RELL1: variants seen among roughly 807,000 people sequenced by gnomAD.
RELL1 encodes RELT like 1.
In RELL1, 10 loss-of-function variants were observed where a neutral mutation model predicts 23.0. The observed-to-expected ratio is 0.43, with a 90% CI of 0.27 to 0.74. RELL1 has a LOEUF of 0.74. Ranked by LOEUF, RELL1 falls within the 30% of genes least tolerant of loss-of-function variation. The probability of loss-of-function intolerance (pLI) is 0.19; values close to 1 mark genes in which losing one functional copy is unlikely to be tolerated. For synonymous variants in RELL1, 146 were observed against 146.8 expected (o/e 0.99, Z 0.04); for missense variants, 315 against 364.4 (o/e 0.86, Z 1.10).
intron 3 of RELL1, among the ~76,000 whole-genome samples, chr4:37,640,268 T>C (rs934403781): frequency 2.0e-5 from 3 of 152,226 alleles, no homozygotes; most frequent in South Asian, 2.1e-4. Flanking sequence ...CAAATTTTGA[T>C]CTAAATAAGA....
At chr4:37,675,447 T>C (rs915049311) in intron 1 of RELL1, among the ~76,000 whole-genome samples, 5 of 152,278 alleles carry the variant, frequency 3.3e-5, no homozygotes, top group South Asian at 2.1e-4. Flanking sequence ...GAACAGAGAA[T>C]AACATGCAAC....
intron 5 of RELL1, 44 bp from the exon 6 acceptor site, chr4:37,631,567 T>C (rs1720134366): frequency 6.3e-7 from 1 of 1,598,026 alleles, no homozygotes. Context: ...GCTTTTCTAA[T>C]AAACAAGAAT....
At chr4:37,629,143 C>G (rs564144595) in intron 6 of RELL1, among the ~76,000 whole-genome samples, 9 of 152,166 alleles carry the variant, frequency 5.9e-5, no homozygotes, top group African/African-American at 1.9e-4. Context: ...CTGGTGCAAT[C>G]GGCTCCATCT....
At chr4:37,647,627 G>C (rs1190510549) in intron 2 of RELL1, among the ~76,000 whole-genome samples, 188 bp from the exon 3 acceptor site, 1 of 152,192 alleles carries the variant, frequency 6.6e-6, no homozygotes, top group African/African-American at 2.4e-5. Context: ...TAAAGAGAAA[G>C]TATCAAAGCT....
intron 1 of RELL1, among the ~76,000 whole-genome samples, chr4:37,669,117 G>C (rs370899430): frequency 4.4e-5 from 5 of 113,342 alleles, no homozygotes; most frequent in Non-Finnish European, 5.3e-5. Flanking sequence ...GCCTCTGCCC[G>C]GCCGCCCCTA....
chr4:37,644,099 T>G (rs1720614716), intron 3 of RELL1, among the ~76,000 whole-genome samples: 1 of 152,082 alleles, frequency 6.6e-6, no homozygotes, highest in African/African-American at 2.4e-5. Flanking sequence ...CCTCCGGTAT[T>G]GACTGCTCAG....
chr4:37,631,378 G>T lies in RELL1; in HGVS notation c.*3+7C>A, dbSNP rs756650929. On this transcript the variant is annotated splice_region_variant and intron_variant, in intron 6 of 6. Transcript: ENST00000454158. The stretch of plus-strand genomic sequence containing the variant: ...CTGCCCCCAATGTCACCAAAACCAC[G>T]GCTCACCTGCTACTCTGTGCCACTG... The T allele has an allele frequency of 1.2e-6, 2 of 1,610,728 alleles. No homozygotes were observed. Among genetic ancestry groups the T allele is most frequent in the East Asian group, 2.2e-5 (1 of 44,696 alleles).
At chr4:37,626,244 G>A (rs751219554) in intron 6 of RELL1, among the ~76,000 whole-genome samples, 1 of 152,116 alleles carries the variant, frequency 6.6e-6, no homozygotes, top group African/African-American at 2.4e-5. Flanking sequence ...TTGGGAGGCC[G>A]AGGCAGGTGG....
chr4:37,622,028 C>G (rs1415767363), intron 6 of RELL1, among the ~76,000 whole-genome samples: 1 of 152,166 alleles, frequency 6.6e-6, no homozygotes, highest in East Asian at 1.9e-4. Flanking sequence ...GGAGCCACTC[C>G]CAACAACTGA....
intron 1 of RELL1, among the ~76,000 whole-genome samples, chr4:37,674,070 C>T (rs1036340779): frequency 1.3e-5 from 2 of 152,192 alleles, no homozygotes; most frequent in African/African-American, 4.8e-5. Flanking sequence ...TCTTTTCCAT[C>T]GCCCTTATCA....
At chr4:37,598,093 A>ATATG (rs529547537) in intron 6 of RELL1, among the ~76,000 whole-genome samples, 3 of 144,576 alleles carry the variant, frequency 2.1e-5, no homozygotes, top group African/African-American at 7.6e-5. Context: ...ATATATATAT[A>ATATG]TAACTCCTCC....
downstream of RELL1, chr4:37,588,917 C>T: frequency 1.9e-6 from 3 of 1,602,506 alleles, no homozygotes; most frequent in Non-Finnish European, 2.6e-6. Context: ...TGGAGAAATA[C>T]TACTTCTAAA....
chr4:37,593,918 AAAG>A (rs1470476300), intron 6 of RELL1, among the ~76,000 whole-genome samples: 1 of 152,190 alleles, frequency 6.6e-6, no homozygotes, highest in African/African-American at 2.4e-5. Flanking sequence ...AAATTCAGAC[AAAG>A]AAGGGGTAGG....
At chr4:37,587,170 C>T (rs936157873), downstream of RELL1, among the ~76,000 whole-genome samples, 1 of 152,108 alleles carries the variant, frequency 6.6e-6, no homozygotes, top group African/African-American at 2.4e-5. Context: ...GCCTCTTCCT[C>T]TTCTGTCTAT....
chr4:37,649,210 A>G (rs974069453), intron 2 of RELL1, 66 bp downstream of exon 2: 16 of 1,250,074 alleles, frequency 1.3e-5, no homozygotes, highest in African/African-American at 3.0e-5. Flanking sequence ...TGGAAAGCAT[A>G]TATCACTGGT....
chr4:37,686,324 C>G lies in RELL1; in HGVS notation c.-37G>C, dbSNP rs1283377818. 1.4e-6 allele frequency: 2 copies of G among 1,450,684 alleles called. No individual in the cohort carries two copies. Among genetic ancestry groups the G allele is most frequent in the Non-Finnish European group, 1.8e-6 (2 of 1,100,472 alleles). 89.9% of individuals were successfully genotyped at this position (1,450,684 alleles called of 1,614,324 possible). A position where few individuals can be genotyped will look rare whatever the true frequency, so the allele number is the denominator to read the frequency against. On this transcript the variant is annotated 5_prime_UTR_variant, in exon 1 of 7. Transcript: ENST00000454158. Reference sequence around the variant, plus strand: ...TTCGCCCTCCTCCCCCAGGGCGCCGCGTCCCGCGCTCGGGAAGGCAGAGCC... The same window carrying G: ...TTCGCCCTCCTCCCCCAGGGCGCCGGGTCCCGCGCTCGGGAAGGCAGAGCC...
intron 1 of RELL1, among the ~76,000 whole-genome samples, chr4:37,654,923 C>T (rs1306947692): frequency 4.0e-5 from 6 of 151,842 alleles, no homozygotes; most frequent in Admixed American, 6.6e-5. Context: ...AAGTGATTCT[C>T]GGTACTAAAA....
chr4:37,641,665 C>T (rs1720534912), intron 3 of RELL1, among the ~76,000 whole-genome samples: 1 of 152,176 alleles, frequency 6.6e-6, no homozygotes, highest in Non-Finnish European at 1.5e-5. Flanking sequence ...CAGAAAAGAC[C>T]TCTTTTTCTC....
At chr4:37,587,421 A>AT (rs924858546), downstream of RELL1, among the ~76,000 whole-genome samples, 2 of 152,066 alleles carry the variant, frequency 1.3e-5, no homozygotes, top group African/African-American at 4.8e-5. Flanking sequence ...TGTGGATTTT[A>AT]TTTTTTTAAT....
Sources: gnomAD v4.1 joint callset for allele counts (sites outside exome capture counted in the v4.1 genomes callset) on GRCh38, gnomAD v4.1.1 for gene constraint, MANE v1.5 for transcripts, NCBI Gene and HGNC (gene_info 2026-07-23, HGNC 2026-07-21) for gene names.